The following CAMK1D variants were observed in gnomAD, a reference collection of about 807,000 sequenced individuals.
CAMK1D encodes calcium/calmodulin-dependent protein kinase type 1D.
In CAMK1D, 9 loss-of-function variants were observed where a neutral mutation model predicts 47.7. The observed-to-expected ratio is 0.19, with a 90% confidence interval of 0.11 to 0.33. The LOEUF is 0.33. Ranked by LOEUF, CAMK1D falls within the 10% of genes least tolerant of loss-of-function variation. The probability of loss-of-function intolerance (pLI) is 1.00; values close to 1 mark genes in which losing one functional copy is unlikely to be tolerated. For missense variants in CAMK1D, 291 were observed against 488.7 expected (o/e 0.60, Z 3.81); for synonymous variants, 184 against 184.9 (o/e 0.99, Z 0.04).
chr10:12,688,674 CTTTTATT>C (rs140048545), intron 3 of CAMK1D, among the ~76,000 whole-genome samples: 2,105 of 152,118 alleles, frequency 0.014, 52 homozygotes, highest in African/African-American at 0.048. Flanking sequence ...GAGTTACATT[CTTTTATT>C]TTTTATTTTT....
chr10:12,591,110 G>A (rs1234221416), intron 2 of CAMK1D, among the ~76,000 whole-genome samples: 1 of 152,136 alleles, frequency 6.6e-6, no homozygotes, highest in Non-Finnish European at 1.5e-5. Context: ...TTTCAAGAAA[G>A]CTGACTGGAA....
At chr10:12,528,757 T>G (rs1218071492) in intron 1 of CAMK1D, among the ~76,000 whole-genome samples, 3 of 151,602 alleles carry the variant, frequency 2.0e-5, no homozygotes, top group African/African-American at 7.3e-5. Context: ...TTTTTTCTTT[T>G]TGGAGTCAGG....
intron 2 of CAMK1D, among the ~76,000 whole-genome samples, chr10:12,648,865 C>T (rs111769668): frequency 5.3e-5 from 8 of 152,222 alleles, no homozygotes; most frequent in African/African-American, 1.9e-4. Flanking sequence ...GTATAATAGG[C>T]ATCTGTTTGA....
chr10:12,633,613 G>A (rs1199864074), intron 2 of CAMK1D, among the ~76,000 whole-genome samples: 1 of 152,054 alleles, frequency 6.6e-6, no homozygotes, highest in Non-Finnish European at 1.5e-5. Flanking sequence ...CTGGAGTGCA[G>A]TAGCACAATC....
rs150789458 is a variant in CAMK1D at position 12,771,486 on chromosome 10, A to T, written c.565+1687A>T. ...GGTCCTTGCATATAATTACAGAGCC[A>T]TGTCAAGCTCAAGTGTCATAGCTGT... On this transcript the variant is annotated intron_variant, in intron 5 of 10. Transcript: ENST00000619168. Among the ~76,000 whole-genome samples the T allele has an allele frequency of 7.5e-3, 1,138 of 152,370 alleles. 16 individuals are homozygous for T. The highest frequency in any genetic ancestry group is 0.026 in the African/African-American group (1,094 of 41,584).
At chr10:12,494,015 A>G (rs532893123) in intron 1 of CAMK1D, among the ~76,000 whole-genome samples, 1 of 152,128 alleles carries the variant, frequency 6.6e-6, no homozygotes, top group Non-Finnish European at 1.5e-5. Flanking sequence ...ATCATAGGAC[A>G]TTTCTGCTGG....
chr10:12,784,386 C>T (rs897970162), intron 5 of CAMK1D, among the ~76,000 whole-genome samples: 3 of 151,916 alleles, frequency 2.0e-5, no homozygotes, highest in African/African-American at 4.8e-5. Flanking sequence ...TTAGTAGAGA[C>T]GGGGTTTCAC....
intron 9 of CAMK1D, 59 bp from the exon 10 acceptor site, chr10:12,825,510 CAGTT>C (rs1006906334): frequency 1.8e-4 from 275 of 1,486,742 alleles, no homozygotes; most frequent in East Asian, 2.3e-4. Context: ...CAAGAGAACA[CAGTT>C]AGAGTCTTTT....
chr10:12,582,535 T>C (rs1837693011), intron 2 of CAMK1D, among the ~76,000 whole-genome samples: 3 of 152,222 alleles, frequency 2.0e-5, no homozygotes, highest in Non-Finnish European at 4.4e-5. Context: ...GTTTGTGTCA[T>C]CTACGATTTC....
intron 2 of CAMK1D, among the ~76,000 whole-genome samples, chr10:12,605,372 G>A (rs1393990273): frequency 6.7e-6 from 1 of 148,356 alleles, no homozygotes; most frequent in Non-Finnish European, 1.5e-5. Flanking sequence ...GTGTGTATGT[G>A]TGTCAAAGAG....
At chr10:12,357,372 G>A (rs1186216895) in intron 1 of CAMK1D, among the ~76,000 whole-genome samples, 2 of 151,934 alleles carry the variant, frequency 1.3e-5, no homozygotes, top group African/African-American at 4.8e-5. Flanking sequence ...CTGGAGTGCA[G>A]TGGCGTGATC....
At chr10:12,645,735 G>C (rs571126334) in intron 2 of CAMK1D, among the ~76,000 whole-genome samples, 1 of 152,154 alleles carries the variant, frequency 6.6e-6, no homozygotes, top group Non-Finnish European at 1.5e-5. Flanking sequence ...AATCAAGAAC[G>C]TAACAAAGGA....
chr10:12,502,603 AG>A, intron 1 of CAMK1D, among the ~76,000 whole-genome samples: 1 of 152,212 alleles, frequency 6.6e-6, no homozygotes, highest in South Asian at 2.1e-4. Flanking sequence ...CACCTGCCCC[AG>A]GCCTTGTTCT....
chr10:12,489,780 C>G (rs1834325344), intron 1 of CAMK1D, among the ~76,000 whole-genome samples: 1 of 152,190 alleles, frequency 6.6e-6, no homozygotes, highest in African/African-American at 2.4e-5. Flanking sequence ...GAGCTGTTAT[C>G]TGCAACTCTC....
chr10:12,359,571 T>C (rs1260663742), intron 1 of CAMK1D, among the ~76,000 whole-genome samples: 1 of 151,964 alleles, frequency 6.6e-6, no homozygotes, highest in South Asian at 2.1e-4. Context: ...TAGCTGGTTT[T>C]AAAAAAATCT....
In CAMK1D at chr10:12,833,798, G is replaced by A. The variant is rs1439546932; in HGVS notation, c.*4911G>A. The A allele has an allele frequency of 1.3e-5, 2 of 151,838 alleles. No homozygotes were observed. The highest frequency in any genetic ancestry group is 2.9e-5 in the Non-Finnish European group (2 of 68,028). The allele number at this position is 151,838 out of a possible 1,614,324, so 9.4% of individuals were successfully genotyped here. A position where few individuals can be genotyped will look rare whatever the true frequency, so the allele number is the denominator to read the frequency against. ...TTGAAGGTCCTTGAATTCAGCCAGTGCACGAAACCTTTGCATGTTCTTCTG... is the reference window on the plus strand; with the variant it reads ...TTGAAGGTCCTTGAATTCAGCCAGTACACGAAACCTTTGCATGTTCTTCTG... On this transcript the variant is annotated 3_prime_UTR_variant, in exon 11 of 11. Transcript: ENST00000619168.
chr10:12,787,366 C>T (rs1837772863), intron 5 of CAMK1D, among the ~76,000 whole-genome samples: 1 of 152,140 alleles, frequency 6.6e-6, no homozygotes, highest in South Asian at 2.1e-4. Flanking sequence ...GGATGGTGGC[C>T]AGTATGTTCC....
intron 2 of CAMK1D, among the ~76,000 whole-genome samples, chr10:12,624,276 C>A (rs1013452084): frequency 6.6e-6 from 1 of 152,120 alleles, no homozygotes; most frequent in Middle Eastern, 3.4e-3. Context: ...AATAGATCTA[C>A]CCTATTAAAA....
At chr10:12,401,091 T>C (rs1839172434) in intron 1 of CAMK1D, among the ~76,000 whole-genome samples, 1 of 84,524 alleles carries the variant, frequency 1.2e-5, no homozygotes, top group South Asian at 2.9e-4. Flanking sequence ...ATGTATTATA[T>C]ATATTATATA....
Sources: allele counts gnomAD v4.1 joint callset (sites outside exome capture counted in the v4.1 genomes callset), GRCh38; gene constraint gnomAD v4.1.1; transcripts MANE v1.5; gene names NCBI Gene and HGNC (gene_info 2026-07-23, HGNC 2026-07-21).